Variants in WNK1 observed in about 807,000 individuals in gnomAD.
WNK1 encodes serine/threonine-protein kinase WNK1.
A neutral mutation model predicts 222.8 loss-of-function variants in WNK1; 38 were observed. That is an observed-to-expected ratio of 0.17 (90% CI 0.13 to 0.22). The LOEUF is 0.22. Among genes scored for constraint, WNK1 ranks in the 10% least tolerant of loss-of-function variants. The pLI is 1.00. For missense variants in WNK1, 2,348 were observed against 2,918.4 expected (o/e 0.80, Z 4.50); for synonymous variants, 1,090 against 1,092.9 (o/e 1.00, Z 0.05).
In WNK1 at chr12:873,027, C is replaced by T. The variant is rs141201870; in HGVS notation, c.2223+1679C>T. ...TTCAAGTAAACATATTTTTGCCAAC[C>T]TTAACAAAATCTGTTTTATTCTATT... On this transcript the variant is annotated intron_variant, in intron 9 of 27. Coordinates refer to ENST00000315939, the MANE Select transcript of WNK1 (RefSeq NM_018979.4). Among the ~76,000 whole-genome samples, 246 of 152,304 alleles carry T rather than the reference C, an allele frequency of 1.6e-3. 2 individuals are homozygous for T. The highest frequency in any genetic ancestry group is 2.4e-3 in the Non-Finnish European group (163 of 68,022).
intron 1 of WNK1, among the ~76,000 whole-genome samples, chr12:778,285 A>AT (rs1482519398): frequency 6.6e-6 from 1 of 151,636 alleles, no homozygotes; most frequent in Non-Finnish European, 1.5e-5. Flanking sequence ...TTTATGTAAA[A>AT]TTCTCTTTTT....
intron 16 of WNK1, 90 bp downstream of exon 16, chr12:883,658 C>T (rs1203299926): frequency 6.3e-7 from 1 of 1,597,718 alleles, no homozygotes; most frequent in East Asian, 2.2e-5. Flanking sequence ...AGTGATATCA[C>T]CTGACACCCA....
At chr12:844,672 G>C (rs887487739) in intron 4 of WNK1, among the ~76,000 whole-genome samples, 26 of 152,026 alleles carry the variant, frequency 1.7e-4, no homozygotes, top group African/African-American at 6.0e-4. Flanking sequence ...AGGAAATACT[G>C]TCTAGATTTT....
intron 1 of WNK1, among the ~76,000 whole-genome samples, chr12:768,430 C>G (rs1942048669): frequency 6.6e-6 from 1 of 152,124 alleles, no homozygotes; most frequent in Admixed American, 6.6e-5. Flanking sequence ...GCTACCATGC[C>G]CGGCCTGCTT....
At chr12:890,143 G>A (rs930190980) in intron 21 of WNK1, among the ~76,000 whole-genome samples, 12 of 151,734 alleles carry the variant, frequency 7.9e-5, no homozygotes, top group Admixed American at 7.2e-4. Context: ...ATTAGAGGCG[G>A]GGTTTCGCCA....
At chr12:757,656 T>TATGAGG in intron 1 of WNK1, among the ~76,000 whole-genome samples, 2 of 120,206 alleles carry the variant, frequency 1.7e-5, no homozygotes, top group African/African-American at 2.6e-5. Context: ...CAGAAAATAT[T>TATGAGG]ACTGTTGGGC....
intron 26 of WNK1, among the ~76,000 whole-genome samples, chr12:904,693 G>A (rs1390209887): frequency 1.3e-5 from 2 of 152,130 alleles, no homozygotes; most frequent in African/African-American, 4.8e-5. Flanking sequence ...TGTGAGCCTA[G>A]CTTGTGACAG....
chr12:789,234 C>A (rs724709), intron 1 of WNK1, among the ~76,000 whole-genome samples: 107,592 of 151,942 alleles, frequency 0.71, 38,750 homozygotes, highest in East Asian at 0.87. Context: ...AAGAATCATA[C>A]ATTTGGTAAA....
In WNK1 at chr12:818,807, C is replaced by T. The variant is rs573432847; in HGVS notation, c.932+4993C>T. Among the ~76,000 whole-genome samples, 130 of 152,320 alleles carry T rather than the reference C, an allele frequency of 8.5e-4. 2 individuals are homozygous for T. Among genetic ancestry groups the T allele is most frequent in the African/African-American group, 3.1e-3 (127 of 41,572 alleles). ...GTGATTGCACGCATCAGTACTTCAT[C>T]CCCTTTTATGACTGAATAACATTCC... On this transcript the variant is annotated intron_variant, in intron 2 of 27. Coordinates refer to ENST00000315939, the MANE Select transcript of WNK1 (RefSeq NM_018979.4).
intron 4 of WNK1, among the ~76,000 whole-genome samples, chr12:830,991 G>A (rs1267643953): frequency 6.6e-6 from 1 of 152,070 alleles, no homozygotes; most frequent in Non-Finnish European, 1.5e-5. Context: ...GAGATTTATT[G>A]AGAAAATTAG....
chr12:785,559 A>G (rs1449776876), intron 1 of WNK1, among the ~76,000 whole-genome samples: 1 of 151,726 alleles, frequency 6.6e-6, no homozygotes, highest in Non-Finnish European at 1.5e-5. Context: ...CACCACGCCC[A>G]GCTAATTTTT....
chr12:875,725 T>G (rs944455344), intron 9 of WNK1, among the ~76,000 whole-genome samples: 3 of 152,248 alleles, frequency 2.0e-5, no homozygotes, highest in African/African-American at 7.2e-5. Flanking sequence ...TGTGTTATGT[T>G]ATGCCAGAAA....
intron 2 of WNK1, among the ~76,000 whole-genome samples, chr12:825,304 A>G (rs944039143): frequency 2.0e-5 from 3 of 152,148 alleles, no homozygotes; most frequent in Non-Finnish European, 4.4e-5. Flanking sequence ...GTAAAATTTT[A>G]TTTTAGTTCT....
intron 1 of WNK1, among the ~76,000 whole-genome samples, chr12:807,627 T>C (rs999158976): frequency 1.3e-5 from 2 of 152,026 alleles, no homozygotes; most frequent in African/African-American, 2.4e-5. Flanking sequence ...TCAAAAAACT[T>C]TGGGAACTGT....
At chr12:854,507 G>A (rs1404941047) in intron 4 of WNK1, among the ~76,000 whole-genome samples, 1 of 151,612 alleles carries the variant, frequency 6.6e-6, no homozygotes, top group Non-Finnish European at 1.5e-5. Context: ...ACAGGCACCC[G>A]CCATCATGCC....
Position 896,558 on chromosome 12 carries a change from A to T in WNK1, c.6071A>T (p.Asp2024Val). The change falls in exon 24 of 28, where the codon GAT becomes GTT. Residue 2024 changes from aspartate (D) to valine (V), a missense_variant. This residue lies in a region of WNK1 where 1,144 missense variants were observed against 1,273.6 expected (regional missense o/e 0.90). Coordinates refer to ENST00000315939, the MANE Select transcript of WNK1 (RefSeq NM_018979.4). ...PEAAFLSRDV[D>V]DGSGSPHSPH... ...GCCGCTTTTTTAAGTAGGGATGTGG[A>T]TGATGGTTCCGGTAGTCCACACTCG... 2 of 1,613,260 alleles carry T rather than the reference A, an allele frequency of 1.2e-6. No individual in the cohort carries two copies. Among genetic ancestry groups the T allele is most frequent in the Non-Finnish European group, 1.7e-6 (2 of 1,179,850 alleles).
rs752421235 is a variant in WNK1 at position 885,186 on chromosome 12, G to A, written c.4382G>A (p.Gly1461Glu). 1.9e-6 allele frequency: 3 copies of A among 1,614,106 alleles called. No homozygotes were observed. The highest frequency in any genetic ancestry group is 2.2e-5 in the East Asian group (1 of 44,878). ...GTTTCAGCAACTTCAGCCTCTGCAG[G>A]GGGCAGTACTGCTACCCCAGGTCCT... is the stretch of plus-strand genomic sequence containing the variant. ...VTVSATSASA[G>E]GSTATPGPKP... Residue 1461 changes from glycine (G) to glutamate (E), a missense_variant, in exon 19 of 28, where the codon GGG becomes GAG. By Grantham distance (98) the Gly-to-Glu change is moderately conservative. This residue lies in a region of WNK1 where 1,144 missense variants were observed against 1,273.6 expected (regional missense o/e 0.90). Coordinates refer to ENST00000315939, the MANE Select transcript of WNK1 (RefSeq NM_018979.4).
rs1377892864 is a variant in WNK1, at chr12:884,829, G to A, written c.4025G>A (p.Ser1342Asn). 1 of 1,614,006 alleles carries A rather than the reference G, an allele frequency of 6.2e-7. No homozygotes were observed. Reference sequence around the variant, plus strand: ...CCAGTAGTACCTCCTTTCTTAAGTAGCATTGCTGGAGTCCCAACCACAGCA... The same window carrying A: ...CCAGTAGTACCTCCTTTCTTAAGTAACATTGCTGGAGTCCCAACCACAGCA... ...TFPVVPPFLS[S>N]IAGVPTTAAA... The change falls in exon 19 of 28, where the codon AGC becomes AAC. Residue 1342 changes from serine (S) to asparagine (N), a missense_variant. Transcript: ENST00000315939. This position sits in a 1 kb window ranked among gnomAD's most constrained non-coding sequence, Gnocchi z 5.6.
At position 788,082 on chromosome 12, in the gene WNK1, G is replaced by A. The variant is rs115786670; in HGVS notation, c.760-25560G>A. On this transcript the variant is annotated intron_variant, in intron 1 of 27. Coordinates refer to ENST00000315939, the MANE Select transcript of WNK1 (RefSeq NM_018979.4). ...AGCCAGGATTTCTCAGGAAATCCCA[G>A]TTTACTGCCTTGTAAGTGATTAGAT... Among the ~76,000 whole-genome samples, 472 of 152,204 alleles carry A rather than the reference G, an allele frequency of 3.1e-3. 2 individuals carry two copies. Among genetic ancestry groups the A allele is most frequent in the African/African-American group, 0.011 (459 of 41,506 alleles).
Sources: gnomAD v4.1 joint callset for allele counts (sites outside exome capture counted in the v4.1 genomes callset) on GRCh38, gnomAD v4.1.1 for gene constraint, gnomAD v4.1.1 regional missense constraint, Gnocchi (gnomAD v3.1) non-coding constraint, MANE v1.5 for transcripts, NCBI Gene and HGNC (gene_info 2026-07-23, HGNC 2026-07-21) for gene names.